RIC1: variants seen among roughly 807,000 people sequenced by gnomAD.
RIC1 encodes the protein RIC1 partner of RAB6A GEF complex.
In RIC1, 88 loss-of-function variants were observed where a neutral mutation model predicts 169.0. That is an observed-to-expected ratio of 0.52 (90% CI 0.44 to 0.62). RIC1 has a LOEUF of 0.62. Ranked by LOEUF, RIC1 falls within the 20% of genes least tolerant of loss-of-function variation. The pLI is 0.00. For missense variants in RIC1, 1,877 were observed against 1,725.5 expected (o/e 1.09, Z -1.56); for synonymous variants, 790 against 601.5 (o/e 1.31, Z -4.59).
At chr9:5,683,393 G>C (rs912154618) in intron 2 of RIC1, among the ~76,000 whole-genome samples, 10 of 152,190 alleles carry the variant, frequency 6.6e-5, no homozygotes, top group African/African-American at 2.2e-4. Context: ...AGGTCTGTTG[G>C]AGTTTGCTGG....
chr9:5,749,087 G>A (rs941931487), intron 12 of RIC1, among the ~76,000 whole-genome samples: 1 of 152,160 alleles, frequency 6.6e-6, no homozygotes, highest in African/African-American at 2.4e-5. Flanking sequence ...TTTGATACAT[G>A]AGGAAACTGA....
chr9:5,771,432 T>TG (rs1827214396), intron 23 of RIC1, among the ~76,000 whole-genome samples: 1 of 152,202 alleles, frequency 6.6e-6, no homozygotes. Flanking sequence ...CTTCTGATGA[T>TG]GGACACTTGG....
At chr9:5,696,785 A>G (rs1214160271) in intron 3 of RIC1, among the ~76,000 whole-genome samples, 1 of 152,218 alleles carries the variant, frequency 6.6e-6, no homozygotes, top group African/African-American at 2.4e-5. Flanking sequence ...GATGTTAGAT[A>G]CTGTATTACA....
intron 1 of RIC1, among the ~76,000 whole-genome samples, chr9:5,651,444 C>T (rs142220552): frequency 6.6e-6 from 1 of 151,446 alleles, no homozygotes; most frequent in African/African-American, 2.4e-5. Flanking sequence ...GTTGCCTGTG[C>T]TTTTCAGGTC....
intron 1 of RIC1, among the ~76,000 whole-genome samples, chr9:5,650,904 A>G (rs901381486): frequency 1.3e-5 from 2 of 152,136 alleles, no homozygotes; most frequent in Non-Finnish European, 2.9e-5. Flanking sequence ...CCCCAGGTGG[A>G]TGCAGGGAAT....
chr9:5,700,193 G>A (rs1822132684), intron 3 of RIC1, among the ~76,000 whole-genome samples: 1 of 152,124 alleles, frequency 6.6e-6, no homozygotes, highest in African/African-American at 2.4e-5. Flanking sequence ...GGGAATGACC[G>A]ACACTTCTTA....
At chr9:5,678,009 C>G (rs1013323424) in intron 2 of RIC1, among the ~76,000 whole-genome samples, 2 of 151,908 alleles carry the variant, frequency 1.3e-5, no homozygotes, top group African/African-American at 4.8e-5. Flanking sequence ...GCCCCCACCC[C>G]ACAACAGTCC....
chr9:5,733,891 C>T (rs540954078), intron 7 of RIC1, among the ~76,000 whole-genome samples: 1 of 151,456 alleles, frequency 6.6e-6, no homozygotes, highest in Non-Finnish European at 1.5e-5. Flanking sequence ...GAATCCCTCC[C>T]TTCTTTGTCT....
At chr9:5,756,662 T>C (rs1826035210) in intron 16 of RIC1, among the ~76,000 whole-genome samples, 1 of 151,958 alleles carries the variant, frequency 6.6e-6, no homozygotes, top group Non-Finnish European at 1.5e-5. Context: ...ACCTTGAAAA[T>C]AAATGGTTAC....
intron 22 of RIC1, among the ~76,000 whole-genome samples, chr9:5,769,838 T>TA (rs1275496120): frequency 2.6e-5 from 4 of 152,188 alleles, no homozygotes; most frequent in African/African-American, 9.6e-5. Flanking sequence ...ATCAACATAA[T>TA]AAAGTTTTGC....
chr9:5,678,731 A>G (rs546686120), intron 2 of RIC1, among the ~76,000 whole-genome samples: 1 of 152,158 alleles, frequency 6.6e-6, no homozygotes, highest in South Asian at 2.1e-4. Context: ...TTCATTGTAG[A>G]TTCTGGATAT....
chr9:5,688,434 G>C (rs923958935), intron 2 of RIC1, among the ~76,000 whole-genome samples: 9 of 152,064 alleles, frequency 5.9e-5, no homozygotes, highest in African/African-American at 1.9e-4. Flanking sequence ...CATAGATTTT[G>C]TCTGTTTTTG....
chr9:5,683,894 C>T (rs1053127696), intron 2 of RIC1, among the ~76,000 whole-genome samples: 3 of 152,168 alleles, frequency 2.0e-5, no homozygotes, highest in African/African-American at 7.2e-5. Context: ...TGATCTCAGA[C>T]TGCTGTGCTA....
chr9:5,654,254 CT>C (rs998981419), intron 1 of RIC1, among the ~76,000 whole-genome samples: 2 of 151,078 alleles, frequency 1.3e-5, no homozygotes, highest in African/African-American at 4.9e-5. Flanking sequence ...TGTTTGGTTT[CT>C]TTTTTTTGGA....
intron 12 of RIC1, among the ~76,000 whole-genome samples, chr9:5,748,173 C>T (rs1394569387): frequency 2.6e-5 from 4 of 152,144 alleles, no homozygotes; most frequent in Non-Finnish European, 5.9e-5. Context: ...AACTTGCATA[C>T]ATAATTTCAG....
intron 1 of RIC1, among the ~76,000 whole-genome samples, chr9:5,649,145 A>C (rs1042394643): frequency 6.6e-6 from 1 of 152,198 alleles, no homozygotes; most frequent in Admixed American, 6.5e-5. Context: ...AAAAAGAAAA[A>C]AAAAATTAAA....
At chr9:5,643,251 A>G (rs547568219) in intron 1 of RIC1, among the ~76,000 whole-genome samples, 13 of 152,198 alleles carry the variant, frequency 8.5e-5, no homozygotes, top group Non-Finnish European at 1.6e-4. Flanking sequence ...TGATTCATAA[A>G]CACATGAAGA....
intron 2 of RIC1, among the ~76,000 whole-genome samples, chr9:5,662,455 T>G (rs1024151750): frequency 7.0e-6 from 1 of 142,618 alleles, no homozygotes; most frequent in African/African-American, 2.5e-5. Context: ...TGAATCTGTC[T>G]GTCCTGGGCT....
intron 2 of RIC1, among the ~76,000 whole-genome samples, chr9:5,680,918 C>G (rs915585943): frequency 6.8e-6 from 1 of 147,812 alleles, no homozygotes; most frequent in Admixed American, 6.7e-5. Context: ...GCTCCGCCTC[C>G]CGGGTTCACG....
Sources: allele counts gnomAD v4.1 joint callset (sites outside exome capture counted in the v4.1 genomes callset), GRCh38; gene constraint gnomAD v4.1.1; transcripts MANE v1.5; gene names NCBI Gene and HGNC (gene_info 2026-07-23, HGNC 2026-07-21).